Variants in YIPF5 observed in about 807,000 individuals in gnomAD.
YIPF5 encodes the protein protein YIPF5.
Under a neutral mutation model 30.4 loss-of-function variants are expected in YIPF5, and 8 were observed. The ratio of observed to expected loss-of-function variants is 0.26; its 90% confidence interval spans 0.15 to 0.47. The LOEUF (loss-of-function observed/expected upper bound fraction) is 0.47. Among genes scored for constraint, YIPF5 ranks in the 20% least tolerant of loss-of-function variants. The probability of loss-of-function intolerance (pLI) is 0.99; values close to 1 mark genes in which losing one functional copy is unlikely to be tolerated. For missense variants in YIPF5, 282 were observed against 301.8 expected (o/e 0.93, Z 0.49); for synonymous variants, 104 against 107.9 (o/e 0.96, Z 0.23).
At chr5:144,165,368 A>C in intron 3 of YIPF5, 64 bp downstream of exon 3, 3 of 1,547,562 alleles carry the variant, frequency 1.9e-6, no homozygotes, top group Middle Eastern at 1.8e-4. Flanking sequence ...CTCCAAATTA[A>C]GATTAATTTT....
Position 144,160,577 on chromosome 5 carries a change from A to G in YIPF5, c.612-18T>C, listed in dbSNP as rs1203426662. 5 of 1,595,946 alleles carry G rather than the reference A, an allele frequency of 3.1e-6. No homozygotes were observed. Among genetic ancestry groups the G allele is most frequent in the Non-Finnish European group, 4.3e-6 (5 of 1,170,726 alleles). ...CCATTCCTCTGTAAACAACAAGGAA[A>G]AAGGGGGGAGAAGAAAAAAAAGCAG... On this transcript the variant is annotated intron_variant, in intron 5 of 5. Coordinates refer to ENST00000274496, the MANE Select transcript of YIPF5 (RefSeq NM_030799.9).
chr5:144,160,477 C>T lies in YIPF5; in HGVS notation c.694G>A (p.Ala232Thr), dbSNP rs1171928412. 1 of 1,614,030 alleles carries T rather than the reference C, an allele frequency of 6.2e-7. No homozygotes were observed. Among genetic ancestry groups the T allele is most frequent in the Non-Finnish European group, 8.5e-7 (1 of 1,179,996 alleles). ...SASKIFISAL[A>T]MEGQQLLVAY... The stretch of plus-strand genomic sequence containing the variant: ...ACTAAAAGTTGCTGTCCTTCCATGG[C>T]TAATGCAGAAATAAATATTTTGGAA... Residue 232 changes from alanine to threonine, a missense_variant, in exon 6 of 6, where the codon GCC becomes ACC. Ala to Thr is a moderately conservative substitution (Grantham distance 58). Coordinates refer to ENST00000274496, the MANE Select transcript of YIPF5 (RefSeq NM_030799.9).
At position 144,158,241 on chromosome 5, in the gene YIPF5, C is replaced by T; in HGVS notation, c.*2156G>A. On this transcript the variant is annotated 3_prime_UTR_variant, in exon 6 of 6. Coordinates refer to ENST00000274496, the MANE Select transcript of YIPF5 (RefSeq NM_030799.9). Reference sequence around the variant, plus strand: ...CAGAGTTTGATAAGAGAAGTTTTGGCTATATACAACTCTGCATGTAATCAA... The same window carrying T: ...CAGAGTTTGATAAGAGAAGTTTTGGTTATATACAACTCTGCATGTAATCAA... 1 of 342,224 alleles carries T rather than the reference C, an allele frequency of 2.9e-6. No homozygotes were observed. Among genetic ancestry groups the T allele is most frequent in the Non-Finnish European group, 5.3e-6 (1 of 187,910 alleles). The allele number at this position is 342,224 out of a possible 1,614,324, so 21.2% of individuals were successfully genotyped here.
chr5:144,170,267 C>T (rs1752337401), intron 1 of YIPF5: 1 of 325,274 alleles, frequency 3.1e-6, no homozygotes, highest in South Asian at 3.3e-5. Flanking sequence ...TCAATAACAA[C>T]AAAGATGATT....
intron 4 of YIPF5, 39 bp from the exon 5 acceptor site, chr5:144,162,438 T>C (rs1352971159): frequency 9.0e-6 from 14 of 1,563,202 alleles, no homozygotes; most frequent in Middle Eastern, 1.7e-4. Context: ...GGGCAAAAAA[T>C]AAGTTATTTC....
In YIPF5 at chr5:144,160,452, A is replaced by G. The variant is rs761431385; in HGVS notation, c.719T>C (p.Val240Ala). The change falls in exon 6 of 6, where the codon GTA (valine) becomes GCA (alanine). Residue 240 changes from valine to alanine, a missense_variant. Physicochemically the swap from Val to Ala is moderately conservative, Grantham distance 64 (BLOSUM62 0). Transcript: ENST00000274496. ...ALAMEGQQLL[V>A]AYPCALLYGV... ...ATATAACAAAGCGCAAGGATATGCT[A>G]CTAAAAGTTGCTGTCCTTCCATGGC... 2 of 1,614,182 alleles carry G rather than the reference A, an allele frequency of 1.2e-6. No homozygotes were observed. The highest frequency in any genetic ancestry group is 3.3e-5 in the Admixed American group (2 of 60,024).
At chr5:144,166,677 A>C (rs1436812297) in intron 2 of YIPF5, among the ~76,000 whole-genome samples, 1 of 152,202 alleles carries the variant, frequency 6.6e-6, no homozygotes, top group Non-Finnish European at 1.5e-5. Flanking sequence ...GTCTTCATGA[A>C]ATAACAGCCA....
In YIPF5 at chr5:144,158,462, T is replaced by C. The variant is rs1222092823; in HGVS notation, c.*1935A>G. On this transcript the variant is annotated 3_prime_UTR_variant, in exon 6 of 6. Transcript: ENST00000274496. ...ACAAAAAAGAAAATAATTTGATCCA[T>C]ATGTGATATTTGGCTGAAGATTAAC... The C allele has an allele frequency of 3.1e-6, 4 of 1,273,214 alleles. No individual in the cohort carries two copies. The highest frequency in any genetic ancestry group is 5.8e-5 in the East Asian group (1 of 17,352). 78.9% of individuals were successfully genotyped at this position (1,273,214 alleles called of 1,614,324 possible). A position where few individuals can be genotyped will look rare whatever the true frequency, so the allele number is the denominator to read the frequency against.
rs1157585332 is a variant in YIPF5 at position 144,158,929 on chromosome 5, G to T, written c.*1468C>A. 7.3e-6 allele frequency: 7 copies of T among 961,034 alleles called. No homozygotes were observed. The African/African-American group carries it at 1.3e-4, about 17-fold the overall frequency. The allele number at this position is 961,034 out of a possible 1,614,324, so 59.5% of individuals were successfully genotyped here. On this transcript the variant is annotated 3_prime_UTR_variant, in exon 6 of 6. Transcript: ENST00000274496. ...AAAATCTCTTTAAAAAAAAAAAAAA[G>T]GCAGTATTTTCCTCCCTGTACCATA...
Position 144,158,658 on chromosome 5 carries a change from AT to A in YIPF5, c.*1738del. The stretch of plus-strand genomic sequence containing the variant: ...TACTATCCAAGAATTACAATAAAAA[AT>A]TTGGTTAAGTTGGAAAGCCTATCAA... On this transcript the variant is annotated 3_prime_UTR_variant, in exon 6 of 6. Transcript: ENST00000274496. 3 of 1,032,970 alleles carry A rather than the reference AT, an allele frequency of 2.9e-6. No individual in the cohort carries two copies. The South Asian group carries it at 1.0e-4, about 34-fold the overall frequency. The allele number at this position is 1,032,970 out of a possible 1,614,324, so 64.0% of individuals were successfully genotyped here. A position where few individuals can be genotyped will look rare whatever the true frequency, so the allele number is the denominator to read the frequency against.
In YIPF5 at chr5:144,158,551, G is replaced by C. The variant is rs1221547209; in HGVS notation, c.*1846C>G. The C allele has an allele frequency of 3.4e-6, 4 of 1,180,622 alleles. No homozygotes were observed. Among genetic ancestry groups the C allele is most frequent in the Non-Finnish European group, 4.2e-6 (4 of 943,670 alleles). The allele number at this position is 1,180,622 out of a possible 1,614,324, so 73.1% of individuals were successfully genotyped here. On this transcript the variant is annotated 3_prime_UTR_variant, in exon 6 of 6. Coordinates refer to ENST00000274496, the MANE Select transcript of YIPF5 (RefSeq NM_030799.9). ...CCAAAGCATCTTCTACCGTTTATTAGCAATATTTGGATATTAAGGGAAGAC... is the reference window on the plus strand; with the variant it reads ...CCAAAGCATCTTCTACCGTTTATTACCAATATTTGGATATTAAGGGAAGAC...
chr5:144,164,687 C>T (rs1752152446), intron 3 of YIPF5, among the ~76,000 whole-genome samples: 1 of 151,810 alleles, frequency 6.6e-6, no homozygotes, highest in Non-Finnish European at 1.5e-5. Flanking sequence ...GGCGTTGAGA[C>T]ATCGTGCCTG....
At chr5:144,160,636 C>G in intron 5 of YIPF5, 77 bp from the exon 6 acceptor site, 1 of 1,216,680 alleles carries the variant, frequency 8.2e-7, no homozygotes, top group South Asian at 1.8e-5. Context: ...CTACAATAAC[C>G]TATTCTAAAG....
At chr5:144,164,406 G>T in intron 3 of YIPF5, 150 bp from the exon 4 acceptor site, 2 of 743,550 alleles carry the variant, frequency 2.7e-6, no homozygotes, top group Non-Finnish European at 4.2e-6. Flanking sequence ...TAATTATTGT[G>T]ATAGGGTCTG....
Position 144,158,209 on chromosome 5 carries a change from T to A in YIPF5, c.*2188A>T, listed in dbSNP as rs1751920831. 6.6e-6 allele frequency: 2 copies of A among 304,756 alleles called. No homozygotes were observed. Among genetic ancestry groups the A allele is most frequent in the Non-Finnish European group, 1.2e-5 (2 of 162,880 alleles). The allele number at this position is 304,756 out of a possible 1,614,324, so 18.9% of individuals were successfully genotyped here. ...TCTTTAATGTATATATAAATATGCCTACATAACAGAGTTTGATAAGAGAAG... is the reference window on the plus strand; with the variant it reads ...TCTTTAATGTATATATAAATATGCCAACATAACAGAGTTTGATAAGAGAAG... On this transcript the variant is annotated 3_prime_UTR_variant, in exon 6 of 6. Transcript: ENST00000274496.
intron 3 of YIPF5, 136 bp from the exon 4 acceptor site, chr5:144,164,392 A>T (rs1752140194): frequency 2.6e-6 from 2 of 767,940 alleles, no homozygotes; most frequent in Non-Finnish European, 4.0e-6. Context: ...TATTATTATT[A>T]TTATAATTAT....
Position 144,158,819 on chromosome 5 carries a change from T to C in YIPF5, c.*1578A>G, listed in dbSNP as rs1379649991. 5.1e-6 allele frequency: 5 copies of C among 985,214 alleles called. No homozygotes were observed. The highest frequency in any genetic ancestry group is 1.1e-4 in the East Asian group (1 of 8,870). The allele number at this position is 985,214 out of a possible 1,614,324, so 61.0% of individuals were successfully genotyped here. A position where few individuals can be genotyped will look rare whatever the true frequency, so the allele number is the denominator to read the frequency against. The stretch of plus-strand genomic sequence containing the variant: ...CTTATGTGAATCAATAAATATGTTA[T>C]TTCTCTCAACCTCTTTTTATGCTTT... On this transcript the variant is annotated 3_prime_UTR_variant, in exon 6 of 6. Transcript: ENST00000274496.
At position 144,160,157 on chromosome 5, in the gene YIPF5, T is replaced by C. The variant is rs572065861; in HGVS notation, c.*240A>G. ...AATGGCTGCAGGAACCAGAAAGAAA[T>C]AGCATTTCTTATCTGTATAAACACA... On this transcript the variant is annotated 3_prime_UTR_variant, in exon 6 of 6. Transcript: ENST00000274496. 21 of 1,195,784 alleles carry C rather than the reference T, an allele frequency of 1.8e-5. No individual in the cohort carries two copies. The highest frequency in any genetic ancestry group is 3.3e-4 in the Middle Eastern group (1 of 3,032). The allele number at this position is 1,195,784 out of a possible 1,614,324, so 74.1% of individuals were successfully genotyped here.
chr5:144,159,841 G>A lies in YIPF5; in HGVS notation c.*556C>T, dbSNP rs1751978886. 1 of 543,380 alleles carries A rather than the reference G, an allele frequency of 1.8e-6. No individual in the cohort carries two copies. Among genetic ancestry groups the A allele is most frequent in the East Asian group, 1.5e-4 (1 of 6,738 alleles). 33.7% of individuals were successfully genotyped at this position (543,380 alleles called of 1,614,324 possible). A position where few individuals can be genotyped will look rare whatever the true frequency, so the allele number is the denominator to read the frequency against. ...CCTGCCTCAGCCTCCTGAGTAGCTG[G>A]GACTACAGGCGCCCGCCACCACGCC... On this transcript the variant is annotated 3_prime_UTR_variant, in exon 6 of 6. Transcript: ENST00000274496.
Sources: gnomAD v4.1 joint callset for allele counts (sites outside exome capture counted in the v4.1 genomes callset) on GRCh38, gnomAD v4.1.1 for gene constraint, MANE v1.5 for transcripts, NCBI Gene and HGNC (gene_info 2026-07-23, HGNC 2026-07-21) for gene names.